The following RUNX2 variants were observed in gnomAD, a reference collection of about 807,000 sequenced individuals.
RUNX2 encodes the protein RUNX family transcription factor 2.
In RUNX2, 10 loss-of-function variants were observed where a neutral mutation model predicts 51.7. The ratio of observed to expected loss-of-function variants is 0.19; its 90% confidence interval spans 0.12 to 0.33. The LOEUF (loss-of-function observed/expected upper bound fraction) is 0.33. Among genes scored for constraint, RUNX2 ranks in the 10% least tolerant of loss-of-function variants. The pLI, the probability that RUNX2 is intolerant of heterozygous loss-of-function variation, is 1.00. For synonymous variants in RUNX2, 276 were observed against 273.6 expected (o/e 1.01, Z -0.09); for missense variants, 562 against 691.3 (o/e 0.81, Z 2.10).
intron 5 of RUNX2, among the ~76,000 whole-genome samples, chr6:45,488,857 C>T (rs1344079344): frequency 6.6e-6 from 1 of 152,216 alleles, no homozygotes; most frequent in Non-Finnish European, 1.5e-5. Flanking sequence ...TTAGTCCTCA[C>T]TGCACTATGA....
chr6:45,350,603 G>A (rs1266516269), intron 2 of RUNX2, among the ~76,000 whole-genome samples: 1 of 152,052 alleles, frequency 6.6e-6, no homozygotes, highest in Non-Finnish European at 1.5e-5. Context: ...GAAAAATAGG[G>A]GGATGAAAAC....
intron 2 of RUNX2, among the ~76,000 whole-genome samples, chr6:45,397,933 T>G (rs1209466012): frequency 6.6e-6 from 1 of 152,236 alleles, no homozygotes; most frequent in Non-Finnish European, 1.5e-5. Context: ...CATTTTAGTG[T>G]TCCCTGCGTG....
At chr6:45,402,792 A>C (rs1444901070) in intron 2 of RUNX2, among the ~76,000 whole-genome samples, 2 of 152,142 alleles carry the variant, frequency 1.3e-5, no homozygotes, top group Non-Finnish European at 2.9e-5. Context: ...GGATTGTTTG[A>C]ACCTGAGAAA....
chr6:45,339,171 AG>A (rs1477862523), intron 2 of RUNX2, among the ~76,000 whole-genome samples: 1 of 152,292 alleles, frequency 6.6e-6, no homozygotes, highest in South Asian at 2.1e-4. Context: ...TTAAGAAAAA[AG>A]GGATTGAAAG....
At chr6:45,485,272 A>T (rs1800238208) in intron 5 of RUNX2, among the ~76,000 whole-genome samples, 1 of 146,304 alleles carries the variant, frequency 6.8e-6, no homozygotes, top group South Asian at 2.1e-4. Flanking sequence ...GCTTGATCTC[A>T]GCTCACCGCA....
At chr6:45,526,450 A>T (rs1162864286) in intron 7 of RUNX2, among the ~76,000 whole-genome samples, 1 of 152,240 alleles carries the variant, frequency 6.6e-6, no homozygotes, top group Non-Finnish European at 1.5e-5. Context: ...AAACAGACGA[A>T]TTCTGTTAAT....
At chr6:45,527,547 C>T (rs1277348797) in intron 7 of RUNX2, among the ~76,000 whole-genome samples, 1 of 152,042 alleles carries the variant, frequency 6.6e-6, no homozygotes, top group East Asian at 1.9e-4. Context: ...AATGTTTTCT[C>T]CCAATTGTTA....
In RUNX2 at chr6:45,547,292, G is replaced by C; in HGVS notation, c.1553G>C (p.Trp518Ser). 1 of 1,614,050 alleles carries C rather than the reference G, an allele frequency of 6.2e-7. No individual in the cohort carries two copies. The highest frequency in any genetic ancestry group is 8.5e-7 in the Non-Finnish European group (1 of 1,179,966). ...NSSGRMDESV[W>S]RPY is the part of the protein sequence containing the mutation. ...AGTGGCAGAATGGATGAATCTGTTT[G>C]GCGACCATATTGAAATTCCTCAGCA... is the stretch of plus-strand genomic sequence containing the variant. The change falls in exon 9 of 9, where the codon TGG (tryptophan) becomes TCG (serine). Residue 518 changes from tryptophan to serine, a missense_variant. Physicochemically the swap from Trp to Ser is radical, Grantham distance 177. Around this residue, in one of 5 missense-constraint regions of RUNX2, gnomAD observed 304 missense variants for 353.2 expected, o/e 0.86. Coordinates refer to ENST00000647337, the MANE Select transcript of RUNX2 (RefSeq NM_001024630.4).
At chr6:45,386,643 T>C (rs1308439806) in intron 2 of RUNX2, among the ~76,000 whole-genome samples, 4 of 152,344 alleles carry the variant, frequency 2.6e-5, no homozygotes, top group African/African-American at 9.6e-5. Context: ...TGGGTTTTTT[T>C]GTCATTATTG....
At chr6:45,438,922 G>C (rs1394338232) in intron 5 of RUNX2, among the ~76,000 whole-genome samples, 1 of 152,162 alleles carries the variant, frequency 6.6e-6, no homozygotes. Context: ...TGAATACATT[G>C]GAATCCTAAC....
chr6:45,501,169 A>G (rs770373843), intron 6 of RUNX2, among the ~76,000 whole-genome samples: 1 of 152,206 alleles, frequency 6.6e-6, no homozygotes, highest in Non-Finnish European at 1.5e-5. Flanking sequence ...CTGCCTCTTG[A>G]GAACACAATC....
chr6:45,454,144 C>T (rs1221963360), intron 5 of RUNX2, among the ~76,000 whole-genome samples: 1 of 152,064 alleles, frequency 6.6e-6, no homozygotes, highest in Non-Finnish European at 1.5e-5. Flanking sequence ...CACCTCGTAG[C>T]CCAGTGGTAG....
chr6:45,547,370 T>C lies in RUNX2; in HGVS notation c.*65T>C, dbSNP rs2150454486. 8.8e-6 allele frequency: 11 copies of C among 1,246,718 alleles called. No individual in the cohort carries two copies. In the South Asian group the frequency reaches 1.3e-4, roughly 15 times the overall value. The allele number at this position is 1,246,718 out of a possible 1,614,324, so 77.2% of individuals were successfully genotyped here. On this transcript the variant is annotated 3_prime_UTR_variant, in exon 9 of 9. Transcript: ENST00000647337. ...TCCCACACGTATCAATATATACATATATAGAGAGAGTGCATATATATGTAT... is the reference window on the plus strand; with the variant it reads ...TCCCACACGTATCAATATATACATACATAGAGAGAGTGCATATATATGTAT...
intron 8 of RUNX2, among the ~76,000 whole-genome samples, chr6:45,546,620 T>C (rs1048655404): frequency 6.6e-6 from 1 of 151,960 alleles, no homozygotes; most frequent in Non-Finnish European, 1.5e-5. Context: ...TCTCTGGGGG[T>C]GAAGAACTTA....
chr6:45,449,346 G>A (rs1056666307), intron 5 of RUNX2, among the ~76,000 whole-genome samples: 8 of 152,198 alleles, frequency 5.3e-5, no homozygotes, highest in African/African-American at 1.7e-4. Context: ...ATTATGTAGC[G>A]CCTTTCTGCC....
intron 7 of RUNX2, among the ~76,000 whole-genome samples, chr6:45,532,943 G>A (rs1801909201): frequency 7.3e-6 from 1 of 136,318 alleles, no homozygotes. Context: ...ATCAAAACAA[G>A]TAGCTCCTCT....
chr6:45,540,778 T>TC (rs1159095615), intron 7 of RUNX2, among the ~76,000 whole-genome samples: 1 of 151,472 alleles, frequency 6.6e-6, no homozygotes, highest in Non-Finnish European at 1.5e-5. Context: ...TCATCTAGTC[T>TC]CCCCAGGGCT....
intron 5 of RUNX2, among the ~76,000 whole-genome samples, chr6:45,451,568 G>T (rs1436091952): frequency 6.6e-6 from 1 of 152,192 alleles, no homozygotes; most frequent in Non-Finnish European, 1.5e-5. Flanking sequence ...GGATCGTTTA[G>T]CTTCAAGAAG....
At chr6:45,357,461 G>A (rs1793448228) in intron 2 of RUNX2, among the ~76,000 whole-genome samples, 1 of 152,042 alleles carries the variant, frequency 6.6e-6, no homozygotes. Flanking sequence ...CTCCCAAGTA[G>A]CTGGGACTAC....
Sources: gnomAD v4.1 joint callset for allele counts (sites outside exome capture counted in the v4.1 genomes callset) on GRCh38, gnomAD v4.1.1 for gene constraint, gnomAD v4.1.1 regional missense constraint, MANE v1.5 for transcripts, NCBI Gene and HGNC (gene_info 2026-07-23, HGNC 2026-07-21) for gene names.